The following CD163L1 variants were observed in gnomAD, a reference collection of about 807,000 sequenced individuals.
The protein encoded by CD163L1 is CD163 molecule like 1.
A neutral mutation model predicts 165.4 loss-of-function variants in CD163L1; 124 were observed. The observed-to-expected ratio is 0.75, with a 90% CI of 0.65 to 0.87. The LOEUF (loss-of-function observed/expected upper bound fraction) is 0.87, where lower values mean the gene tolerates loss of function less well. Among genes scored for constraint, CD163L1 ranks in the 40% least tolerant of loss-of-function variants. The pLI is 0.00. For synonymous variants in CD163L1, 585 were observed against 662.2 expected, an observed-to-expected ratio of 0.88 and a Z score of 1.79; for missense variants, 1,525 against 1,799.9, an observed-to-expected ratio of 0.85 and a Z score of 2.76.
chr12:7,395,768 T>C (rs1221365051), intron 8 of CD163L1, among the ~76,000 whole-genome samples: 3 of 152,146 alleles, frequency 2.0e-5, no homozygotes, highest in Non-Finnish European at 4.4e-5. Context: ...TTTATTTATT[T>C]AAATAAATAA....
chr12:7,432,486 C>T lies in CD163L1; in HGVS notation c.696G>A (p.Trp232Ter). ...ILCQGNELAL[W>*]NCRHRGWGNH... ...TTCCCCATCCACGATGTCTGCAATTCCAGAGTGCCAACTCATTCCCCTGGC... is the reference window on the plus strand; with the variant it reads ...TTCCCCATCCACGATGTCTGCAATTTCAGAGTGCCAACTCATTCCCCTGGC... Residue 232 changes from tryptophan to a stop codon, truncating the protein, a stop_gained, in exon 4 of 20, where the codon TGG (tryptophan) becomes TGA (stop). Coordinates refer to ENST00000313599, the MANE Select transcript of CD163L1 (RefSeq NM_174941.6). LOFTEE classifies it high-confidence loss of function. The surrounding 1 kb of genome is among the most constrained non-coding windows in gnomAD (Gnocchi z 4.2). The T allele has an allele frequency of 6.2e-7, 1 of 1,614,130 alleles. No individual in the cohort carries two copies. Among genetic ancestry groups the T allele is most frequent in the Non-Finnish European group, 8.5e-7 (1 of 1,180,002 alleles).
chr12:7,369,064 C>T lies in CD163L1; in HGVS notation c.4040-99G>A, dbSNP rs1947088742. 7.8e-7 allele frequency: 1 copy of T among 1,282,752 alleles called. No homozygotes were observed. Among genetic ancestry groups the T allele is most frequent in the Admixed American group, 1.9e-5 (1 of 52,464 alleles). The allele number at this position is 1,282,752 out of a possible 1,614,324, so 79.5% of individuals were successfully genotyped here. On this transcript the variant is annotated intron_variant, in intron 15 of 19. Transcript: ENST00000313599. This position sits in a 1 kb window ranked among gnomAD's most constrained non-coding sequence, Gnocchi z 4.9. Reference sequence around the variant, plus strand: ...GATTATCGGATGTCATTTAAATATCCTTTTAACATCTCCTGTGAATACTGG... The same window carrying T: ...GATTATCGGATGTCATTTAAATATCTTTTTAACATCTCCTGTGAATACTGG...
intron 4 of CD163L1, among the ~76,000 whole-genome samples, chr12:7,419,772 A>T (rs1215246801): frequency 4.6e-5 from 7 of 152,226 alleles, no homozygotes; most frequent in East Asian, 1.9e-4. Context: ...CAAAAAAAAA[A>T]TTTATTATAC....
At position 7,369,384 on chromosome 12, in the gene CD163L1, T is replaced by C. The variant is rs1218046091; in HGVS notation, c.4012A>G (p.Lys1338Glu). 1 of 1,614,144 alleles carries C rather than the reference T, an allele frequency of 6.2e-7. No homozygotes were observed. The change falls in exon 15 of 20, where the codon AAG becomes GAG. Residue 1338 changes from lysine (K) to glutamate (E), a missense_variant. Transcript: ENST00000313599. This position sits in a 1 kb window ranked among gnomAD's most constrained non-coding sequence, Gnocchi z 4.9. ...GAGCACCTCACGCCAGCATCTTCCT[T>C]GTGTCCACAGTCACTCTGTCCCCAG... ...KPWGQSDCGH[K>E]EDAGVRCSGQ...
chr12:7,416,079 C>A (rs1299398525), intron 4 of CD163L1, among the ~76,000 whole-genome samples: 1 of 152,216 alleles, frequency 6.6e-6, no homozygotes, highest in Non-Finnish European at 1.5e-5. Flanking sequence ...ACATTGCCTC[C>A]AGCATCTGTT....
chr12:7,373,479 C>T lies in CD163L1; in HGVS notation c.3571G>A (p.Val1191Ile), dbSNP rs1239525617. 1.2e-6 allele frequency: 2 copies of T among 1,614,220 alleles called. No homozygotes were observed. Among genetic ancestry groups the T allele is most frequent in the South Asian group, 1.1e-5 (1 of 91,082 alleles). ...CRQLGCGENG[V>I]VSLAPLSKTG... is the part of the protein sequence containing the mutation. ...TTAGATAAAGGGGCGAGGCTGACAA[C>T]TCCATTCTCCCCACAGCCCAGCTGC... is the stretch of plus-strand genomic sequence containing the variant. Residue 1191 changes from valine (V) to isoleucine (I), a missense_variant, in exon 14 of 20, where the codon GTT (valine) becomes ATT (isoleucine). Val to Ile is a conservative substitution (Grantham distance 29). Coordinates refer to ENST00000313599, the MANE Select transcript of CD163L1 (RefSeq NM_174941.6).
intron 4 of CD163L1, among the ~76,000 whole-genome samples, chr12:7,411,906 A>G (rs1462758888): frequency 6.6e-6 from 1 of 152,230 alleles, no homozygotes; most frequent in Non-Finnish European, 1.5e-5. Context: ...CCAGTTAATT[A>G]CAAACAACTA....
rs754147768 is a variant in CD163L1, at chr12:7,404,007, AATTTTAAAGATTGAAATTTTAAAG to A, written c.1088-176_1088-153del. 1.0e-3 allele frequency: 559 copies of A among 532,752 alleles called. 5 individuals carry two copies. The highest frequency in any genetic ancestry group is 3.3e-3 in the African/African-American group (174 of 52,324). 33.0% of individuals were successfully genotyped at this position (532,752 alleles called of 1,614,324 possible). On this transcript the variant is annotated intron_variant, in intron 5 of 19. Coordinates refer to ENST00000313599, the MANE Select transcript of CD163L1 (RefSeq NM_174941.6). ...AAGACTGGAAATCATTTTGTTTTAA[AATTTTAAAGATTGAAATTTTAAAG>A]ATTTTAAAGATTGAAATTTTAAAGA... is the stretch of plus-strand genomic sequence containing the variant.
At chr12:7,388,626 C>T (rs1415691847) in intron 8 of CD163L1, among the ~76,000 whole-genome samples, 1 of 151,770 alleles carries the variant, frequency 6.6e-6, no homozygotes, top group Non-Finnish European at 1.5e-5. Context: ...TGCCAGTGGT[C>T]CTAGCTACTT....
intron 6 of CD163L1, among the ~76,000 whole-genome samples, chr12:7,401,036 G>A (rs1337022504): frequency 6.6e-6 from 1 of 152,150 alleles, no homozygotes; most frequent in African/African-American, 2.4e-5. Flanking sequence ...GCTGTCATTT[G>A]TTATCAAGGA....
intron 9 of CD163L1, among the ~76,000 whole-genome samples, chr12:7,376,737 GT>G (rs1947278864): frequency 6.6e-6 from 1 of 151,902 alleles, no homozygotes; most frequent in South Asian, 2.1e-4. Context: ...AGAAAGTTTT[GT>G]TTTCTGTATT....
At chr12:7,419,774 T>G (rs1022725213) in intron 4 of CD163L1, among the ~76,000 whole-genome samples, 1 of 151,828 alleles carries the variant, frequency 6.6e-6, no homozygotes, top group African/African-American at 2.4e-5. Flanking sequence ...AAAAAAAAAT[T>G]TATTATACTG....
chr12:7,334,754 C>A, the CD163L1 span, among the ~76,000 whole-genome samples: 1 of 152,264 alleles, frequency 6.6e-6, no homozygotes, highest in Non-Finnish European at 1.5e-5. Flanking sequence ...ATTGTCTCAG[C>A]CCAAAATCTC....
chr12:7,331,099 T>C, the CD163L1 span, among the ~76,000 whole-genome samples: 700 of 152,304 alleles, frequency 4.6e-3, 2 homozygotes, highest in African/African-American at 0.016. Context: ...ATACTGCACT[T>C]TTCCAATGGG....
At position 7,369,262 on chromosome 12, in the gene CD163L1, A is replaced by G; in HGVS notation, c.4039+95T>C. 1 of 1,288,060 alleles carries G rather than the reference A, an allele frequency of 7.8e-7. No homozygotes were observed. Among genetic ancestry groups the G allele is most frequent in the Non-Finnish European group, 1.1e-6 (1 of 922,352 alleles). The allele number at this position is 1,288,060 out of a possible 1,614,324, so 79.8% of individuals were successfully genotyped here. On this transcript the variant is annotated intron_variant, in intron 15 of 19. Transcript: ENST00000313599. This position sits in a 1 kb window ranked among gnomAD's most constrained non-coding sequence, Gnocchi z 4.9. ...CTTTCATTCTTCAACAAGAAATCCTAGTATCTTCAGCTCAACTCTCTGAGT... is the reference window on the plus strand; with the variant it reads ...CTTTCATTCTTCAACAAGAAATCCTGGTATCTTCAGCTCAACTCTCTGAGT...
At chr12:7,437,909 A>G (rs2136647772) in intron 2 of CD163L1, among the ~76,000 whole-genome samples, 1 of 152,080 alleles carries the variant, frequency 6.6e-6, no homozygotes, top group East Asian at 1.9e-4. Context: ...AAAAAAAAAA[A>G]AAGAAAATTC....
the CD163L1 span, among the ~76,000 whole-genome samples, chr12:7,332,061 G>A: frequency 0.022 from 3,351 of 152,194 alleles, 328 homozygotes; most frequent in East Asian, 0.32. Context: ...TGGATAACTA[G>A]AATAACCAAT....
At chr12:7,439,171 C>T in intron 2 of CD163L1, 1 of 1,575,402 alleles carries the variant, frequency 6.3e-7, no homozygotes, top group Non-Finnish European at 8.6e-7. Flanking sequence ...TGTCATCCTC[C>T]GGAAAGGGGG....
At chr12:7,352,099 GC>G (rs1302016874), downstream of CD163L1, among the ~76,000 whole-genome samples, 1 of 152,048 alleles carries the variant, frequency 6.6e-6, no homozygotes, top group Non-Finnish European at 1.5e-5. Flanking sequence ...CATCATATTA[GC>G]AATTGATGGT....
Sources: allele counts gnomAD v4.1 joint callset (sites outside exome capture counted in the v4.1 genomes callset), GRCh38; gene constraint gnomAD v4.1.1; non-coding constraint Gnocchi (gnomAD v3.1); transcripts MANE v1.5; gene names NCBI Gene and HGNC (gene_info 2026-07-23, HGNC 2026-07-21).